ME1: variants seen among roughly 807,000 people sequenced by gnomAD.
ME1 encodes the protein NADP-dependent malic enzyme.
Under a neutral mutation model 66.4 loss-of-function variants are expected in ME1, and 74 were observed. The observed-to-expected ratio is 1.11, with a 90% CI of 0.92 to 1.35. ME1 has a LOEUF of 1.35. Ranked by LOEUF, ME1 falls within the 40% of genes most tolerant of loss-of-function variation. The pLI, the probability that ME1 is intolerant of heterozygous loss-of-function variation, is 0.00. For synonymous variants in ME1, 251 were observed against 235.6 expected (o/e 1.07, Z -0.60); for missense variants, 750 against 694.1 (o/e 1.08, Z -0.90).
chr6:83,343,446 G>T (rs556155682), intron 5 of ME1, among the ~76,000 whole-genome samples: 1 of 152,302 alleles, frequency 6.6e-6, no homozygotes, highest in Non-Finnish European at 1.5e-5. Flanking sequence ...AGAGTTAAAG[G>T]TTCACCATTC....
chr6:83,219,928 T>C (rs1583324383), intron 12 of ME1, among the ~76,000 whole-genome samples: 1 of 152,036 alleles, frequency 6.6e-6, no homozygotes, highest in East Asian at 1.9e-4. Context: ...GCAGCCCACA[T>C]GGCCAAATGG....
At chr6:83,319,168 G>T (rs1273640592) in intron 5 of ME1, among the ~76,000 whole-genome samples, 1 of 148,182 alleles carries the variant, frequency 6.7e-6, no homozygotes, top group Non-Finnish European at 1.5e-5. Flanking sequence ...TCAGGGGAGG[G>T]GGGAGGGATA....
intron 7 of ME1, among the ~76,000 whole-genome samples, chr6:83,241,236 G>C (rs796948769): frequency 7.2e-5 from 11 of 152,156 alleles, no homozygotes; most frequent in African/African-American, 2.6e-4. Flanking sequence ...CTCTCTCTTG[G>C]GTTCTTTTGA....
intron 3 of ME1, among the ~76,000 whole-genome samples, chr6:83,394,501 C>A (rs951240245): frequency 5.3e-5 from 8 of 152,110 alleles, no homozygotes; most frequent in African/African-American, 1.9e-4. Flanking sequence ...TAATTATTCT[C>A]TTTATACAAA....
chr6:83,360,877 CA>C (rs2128545882), intron 3 of ME1, among the ~76,000 whole-genome samples: 1 of 152,338 alleles, frequency 6.6e-6, no homozygotes, highest in Non-Finnish European at 1.5e-5. Flanking sequence ...AGCAAATTAA[CA>C]CATCTCCTGG....
chr6:83,244,429 T>G (rs1281941743), intron 7 of ME1, among the ~76,000 whole-genome samples: 1 of 152,080 alleles, frequency 6.6e-6, no homozygotes, highest in Non-Finnish European at 1.5e-5. Flanking sequence ...TGGGGTCAGA[T>G]CATGTAGGGC....
At chr6:83,233,932 T>C (rs908387114) in intron 9 of ME1, among the ~76,000 whole-genome samples, 2 of 152,020 alleles carry the variant, frequency 1.3e-5, no homozygotes, top group African/African-American at 4.8e-5. Context: ...ATATGTATCT[T>C]TTATATTAAA....
chr6:83,235,065 TTGTATA>T (rs940966647), intron 9 of ME1, among the ~76,000 whole-genome samples: 5 of 152,122 alleles, frequency 3.3e-5, no homozygotes, highest in African/African-American at 1.2e-4. Context: ...TGTTTCAGTT[TTGTATA>T]TAGGAAATTT....
intron 11 of ME1, among the ~76,000 whole-genome samples, chr6:83,225,932 G>A (rs1252829218): frequency 6.6e-6 from 1 of 151,054 alleles, no homozygotes; most frequent in Admixed American, 6.6e-5. Context: ...ACTGTAGCTA[G>A]CTAAATATTC....
intron 3 of ME1, among the ~76,000 whole-genome samples, chr6:83,387,962 T>C (rs1208567631): frequency 6.6e-6 from 1 of 152,118 alleles, no homozygotes; most frequent in Non-Finnish European, 1.5e-5. Context: ...AAGTTCCAGA[T>C]CCATATATTT....
At chr6:83,325,312 G>T (rs1768267399) in intron 5 of ME1, among the ~76,000 whole-genome samples, 1 of 152,174 alleles carries the variant, frequency 6.6e-6, no homozygotes, top group Non-Finnish European at 1.5e-5. Context: ...CACAAGACAA[G>T]GATGCCCTCT....
intron 5 of ME1, among the ~76,000 whole-genome samples, chr6:83,329,670 A>G (rs557454845): frequency 6.6e-6 from 1 of 152,214 alleles, no homozygotes; most frequent in East Asian, 1.9e-4. Flanking sequence ...TTCCTTTTAT[A>G]TTACTGTTGT....
intron 6 of ME1, among the ~76,000 whole-genome samples, chr6:83,265,051 A>G (rs1225205443): frequency 2.0e-5 from 3 of 152,152 alleles, no homozygotes; most frequent in Non-Finnish European, 2.9e-5. Flanking sequence ...TTACTGTCCT[A>G]TTTTCAGAAA....
In ME1 at chr6:83,388,919, C is replaced by G. The variant is rs192471846; in HGVS notation, c.362+9448G>C. On this transcript the variant is annotated intron_variant, in intron 3 of 13. Coordinates refer to ENST00000369705, the MANE Select transcript of ME1 (RefSeq NM_002395.6). Reference sequence around the variant, plus strand: ...TCTCTTGAGCCCAGAAGTTTGAGACCAGCCTGGGCAACATGGTGAAACCCC... The same window carrying G: ...TCTCTTGAGCCCAGAAGTTTGAGACGAGCCTGGGCAACATGGTGAAACCCC... 5.1e-4 allele frequency among the ~76,000 whole-genome samples: 78 copies of G among 152,148 alleles called. 1 individual carries two copies. The highest frequency in any genetic ancestry group is 1.7e-3 in the African/African-American group (72 of 41,502).
At chr6:83,400,780 G>C (rs1232749746) in intron 2 of ME1, among the ~76,000 whole-genome samples, 2 of 152,172 alleles carry the variant, frequency 1.3e-5, no homozygotes, top group African/African-American at 4.8e-5. Flanking sequence ...TATAGCAGAA[G>C]TCTTTAATAG....
chr6:83,282,624 G>A (rs1392070073), intron 6 of ME1, among the ~76,000 whole-genome samples: 1 of 152,224 alleles, frequency 6.6e-6, no homozygotes, highest in Non-Finnish European at 1.5e-5. Context: ...ACGTTGGAGA[G>A]GATGTGGAGA....
intron 6 of ME1, among the ~76,000 whole-genome samples, chr6:83,287,543 C>A (rs1160975953): frequency 6.6e-6 from 1 of 152,172 alleles, no homozygotes; most frequent in Non-Finnish European, 1.5e-5. Context: ...TTTCTTAATC[C>A]AGTCTATCAT....
chr6:83,417,441 C>T (rs979215275), intron 1 of ME1, among the ~76,000 whole-genome samples: 11 of 151,922 alleles, frequency 7.2e-5, no homozygotes, highest in Middle Eastern at 3.2e-3. Context: ...AGTGAAGTGG[C>T]GTGATCTCGG....
At chr6:83,357,935 C>CTCTCTCTCTCTCTCTATATATATA (rs1447805761) in intron 3 of ME1, among the ~76,000 whole-genome samples, 1 of 30,040 alleles carries the variant, frequency 3.3e-5, no homozygotes. Context: ...CTCTCTCTCT[C>CTCTCTCTCTCTCTCTATATATATA]TATATATATA....
Sources: allele counts gnomAD v4.1 joint callset (sites outside exome capture counted in the v4.1 genomes callset), GRCh38; gene constraint gnomAD v4.1.1; transcripts MANE v1.5; gene names NCBI Gene and HGNC (gene_info 2026-07-23, HGNC 2026-07-21).